The following RNF217 variants were observed in gnomAD, a reference collection of about 807,000 sequenced individuals.
RNF217 encodes the protein E3 ubiquitin-protein ligase RNF217.
A neutral mutation model predicts 57.8 loss-of-function variants in RNF217; 31 were observed. The observed-to-expected ratio is 0.54, with a 90% CI of 0.40 to 0.72. The LOEUF is 0.72. Ranked by LOEUF, RNF217 falls within the 30% of genes least tolerant of loss-of-function variation. The pLI, the probability that RNF217 is intolerant of heterozygous loss-of-function variation, is 0.00. For synonymous variants in RNF217, 313 were observed against 294.0 expected, an observed-to-expected ratio of 1.06 and a Z score of -0.66; for missense variants, 696 against 708.3, an observed-to-expected ratio of 0.98 and a Z score of 0.20.
intron 1 of RNF217, among the ~76,000 whole-genome samples, chr6:125,020,813 A>G (rs1173308298): frequency 6.6e-6 from 1 of 152,238 alleles, no homozygotes; most frequent in African/African-American, 2.4e-5. Context: ...TAAATACTCT[A>G]ACATATATTA....
At chr6:125,034,904 G>A (rs1247599153) in intron 1 of RNF217, among the ~76,000 whole-genome samples, 6 of 151,766 alleles carry the variant, frequency 4.0e-5, no homozygotes, top group Non-Finnish European at 8.8e-5. Context: ...CCTTGAAGAG[G>A]TCCTTCACAT....
intron 3 of RNF217, among the ~76,000 whole-genome samples, chr6:125,062,401 T>C (rs1787769574): frequency 6.6e-6 from 1 of 151,910 alleles, no homozygotes; most frequent in Non-Finnish European, 1.5e-5. Flanking sequence ...TAAAATTTTT[T>C]TCCTCATGAT....
chr6:124,999,757 T>C (rs1157081105), intron 1 of RNF217, among the ~76,000 whole-genome samples: 1 of 152,330 alleles, frequency 6.6e-6, no homozygotes, highest in East Asian at 1.9e-4. Flanking sequence ...AAAATTATCA[T>C]GGACCCCTGG....
chr6:124,969,315 T>A (rs763678260), intron 1 of RNF217, among the ~76,000 whole-genome samples: 43 of 152,354 alleles, frequency 2.8e-4, no homozygotes, highest in Non-Finnish European at 4.4e-4. Flanking sequence ...GAAAACACAA[T>A]TTTGCTCAGT....
intron 1 of RNF217, among the ~76,000 whole-genome samples, chr6:124,978,100 C>T (rs186690847): frequency 1.4e-4 from 21 of 152,196 alleles, no homozygotes; most frequent in African/African-American, 5.1e-4. Context: ...AACAATGTGT[C>T]CCTATAGAAT....
At chr6:124,983,404 G>A (rs1349026468) in intron 1 of RNF217, 31 of 984,890 alleles carry the variant, frequency 3.1e-5, no homozygotes, top group Non-Finnish European at 3.6e-5. Context: ...AGAAGATTAA[G>A]GTAGAGAGTG....
At chr6:125,076,987 T>A in intron 4 of RNF217, 129 bp downstream of exon 4, 1 of 774,260 alleles carries the variant, frequency 1.3e-6, no homozygotes, top group Non-Finnish European at 2.1e-6. Context: ...GGATATTCTC[T>A]CACCCTTTAA....
intron 1 of RNF217, among the ~76,000 whole-genome samples, chr6:124,992,502 C>T (rs1784596143): frequency 6.6e-6 from 1 of 151,780 alleles, no homozygotes; most frequent in Non-Finnish European, 1.5e-5. Flanking sequence ...GGCTGTTCTG[C>T]TAACATCTAT....
chr6:124,973,659 A>G (rs1174938608), intron 1 of RNF217, among the ~76,000 whole-genome samples: 1 of 152,242 alleles, frequency 6.6e-6, no homozygotes, highest in Non-Finnish European at 1.5e-5. Flanking sequence ...GTGCAAAAGT[A>G]ATGGCAGAAA....
At chr6:125,009,164 A>G in intron 1 of RNF217, 7 of 1,509,780 alleles carry the variant, frequency 4.6e-6, no homozygotes, top group Middle Eastern at 3.5e-4. Flanking sequence ...TTCTCTTCTC[A>G]TATTCATAGG....
chr6:125,047,754 A>G (rs908584357), intron 2 of RNF217, among the ~76,000 whole-genome samples: 1 of 152,054 alleles, frequency 6.6e-6, no homozygotes, highest in African/African-American at 2.4e-5. Context: ...GGAAAAGAAA[A>G]TTTGCTTTGG....
At chr6:125,040,955 G>C (rs569803834) in intron 1 of RNF217, among the ~76,000 whole-genome samples, 1 of 152,092 alleles carries the variant, frequency 6.6e-6, no homozygotes, top group African/African-American at 2.4e-5. Context: ...AAAATAATAA[G>C]AGCTGTTTAT....
At chr6:124,999,967 G>C (rs1784913002) in intron 1 of RNF217, among the ~76,000 whole-genome samples, 1 of 152,088 alleles carries the variant, frequency 6.6e-6, no homozygotes, top group South Asian at 2.1e-4. Flanking sequence ...TGTTGTTTTT[G>C]CTGCTGTTTG....
intron 1 of RNF217, among the ~76,000 whole-genome samples, chr6:125,026,531 A>G (rs1786089257): frequency 6.6e-6 from 1 of 152,242 alleles, no homozygotes; most frequent in Non-Finnish European, 1.5e-5. Flanking sequence ...CCTTTAGAGC[A>G]TTGAGAGCGT....
At chr6:125,008,560 A>C (rs1383674420) in intron 1 of RNF217, among the ~76,000 whole-genome samples, 2 of 152,078 alleles carry the variant, frequency 1.3e-5, no homozygotes, top group Non-Finnish European at 2.9e-5. Context: ...CACCCAGTCA[A>C]GCTGATGAAA....
rs575380236 is a variant in RNF217 at position 124,995,971 on chromosome 6, T to G, written c.882+32545T>G. On this transcript the variant is annotated intron_variant, in intron 1 of 5. Coordinates refer to ENST00000521654, the MANE Select transcript of RNF217 (RefSeq NM_001286398.3). ...GAAAAACATTTGGAATATTTCTGGG[T>G]TTTTTTTTTCTATTTCTCTTACAGA... 6.0e-3 allele frequency among the ~76,000 whole-genome samples: 885 copies of G among 147,372 alleles called. 6 individuals are homozygous for G. The highest frequency in any genetic ancestry group is 9.3e-3 in the Non-Finnish European group (627 of 67,156).
chr6:125,065,968 C>T (rs1304974380), intron 3 of RNF217, among the ~76,000 whole-genome samples: 18 of 152,180 alleles, frequency 1.2e-4, no homozygotes, highest in Non-Finnish European at 7.3e-5. Context: ...CTTCTCATAG[C>T]TTCTCTGTCT....
At chr6:125,063,632 C>T (rs1242749940) in intron 3 of RNF217, among the ~76,000 whole-genome samples, 1 of 151,986 alleles carries the variant, frequency 6.6e-6, no homozygotes, top group Admixed American at 6.6e-5. Context: ...CTCAGATCAT[C>T]ACTATTAAGT....
In RNF217 at chr6:125,050,209, C is replaced by T. The variant is rs182948705; in HGVS notation, c.1116+4765C>T. On this transcript the variant is annotated intron_variant, in intron 2 of 5. Transcript: ENST00000521654. ...GAATAAATGATCCCCCTTTTCATAT[C>T]GATTTGGAGAAAGAGTTGAAGGTCA... Among the ~76,000 whole-genome samples the T allele has an allele frequency of 7.6e-4, 115 of 151,910 alleles. 1 individual carries two copies. Among genetic ancestry groups the T allele is most frequent in the Non-Finnish European group, 6.9e-4 (47 of 67,886 alleles).
Sources: allele counts gnomAD v4.1 joint callset (sites outside exome capture counted in the v4.1 genomes callset), GRCh38; gene constraint gnomAD v4.1.1; transcripts MANE v1.5; gene names NCBI Gene and HGNC (gene_info 2026-07-23, HGNC 2026-07-21).